Variants in FREM1 observed in about 807,000 individuals in gnomAD.
FREM1 encodes FRAS1-related extracellular matrix protein 1.
FREM1 carries 220 observed loss-of-function variants against 210.1 expected under a neutral mutation model. The observed-to-expected ratio is 1.05, with a 90% CI of 0.94 to 1.17. FREM1 has a LOEUF of 1.17. Ranked by LOEUF, FREM1 falls within the 50% of genes most tolerant of loss-of-function variation. The pLI is 0.00. For synonymous variants in FREM1, 1,189 were observed against 980.2 expected, an observed-to-expected ratio of 1.21 and a Z score of -3.98; for missense variants, 3,454 against 2,675.5, an observed-to-expected ratio of 1.29 and a Z score of -6.42.
intron 16 of FREM1, among the ~76,000 whole-genome samples, chr9:14,811,973 A>C (rs12000514): frequency 0.032 from 4,820 of 152,246 alleles, 225 homozygotes; most frequent in African/African-American, 0.11. Flanking sequence ...AGCAGATGAA[A>C]TATGCAGCAT....
At chr9:14,898,041 T>A (rs1838058777) in intron 1 of FREM1, among the ~76,000 whole-genome samples, 1 of 152,212 alleles carries the variant, frequency 6.6e-6, no homozygotes, top group Admixed American at 6.5e-5. Flanking sequence ...GATTCAGTAG[T>A]GCTAAAAAAG....
chr9:14,846,192 A>T, intron 7 of FREM1, 101 bp from the exon 8 acceptor site: 2 of 959,888 alleles, frequency 2.1e-6, no homozygotes, highest in South Asian at 3.1e-5. Flanking sequence ...AAAAATAATG[A>T]GTTCATGCCC....
chr9:14,775,498 G>C (rs888253636), intron 25 of FREM1, among the ~76,000 whole-genome samples: 2 of 151,986 alleles, frequency 1.3e-5, no homozygotes, highest in African/African-American at 2.4e-5. Context: ...TTGAAGTCAG[G>C]AGTTCGCCAC....
rs774044026 is a variant in FREM1, at chr9:14,859,360, G to A, written c.454C>T (p.Gln152Ter). 86 of 1,613,762 alleles carry A rather than the reference G, an allele frequency of 5.3e-5. No individual in the cohort carries two copies. Among genetic ancestry groups the A allele is most frequent in the Non-Finnish European group, 6.9e-5 (82 of 1,179,880 alleles). The change falls in exon 4 of 37, where the codon CAA becomes TAA. Residue 152 changes from glutamine (Q) to a stop codon, truncating the protein, a stop_gained. Coordinates refer to ENST00000380880, the MANE Select transcript of FREM1 (RefSeq NM_001379081.2). LOFTEE classifies it high-confidence loss of function. ...CTGAGCAGATTTTTATCAATCGCTT[G>A]GGACAAGCCATTGAATTCAGGCACC... is the stretch of plus-strand genomic sequence containing the variant. Reference protein sequence around the residue: ...LEVPEFNGLSQAIDKNLLRFD... With the variant: ...LEVPEFNGLS
At chr9:14,749,159 TTAG>T (rs1842930967) in intron 30 of FREM1, among the ~76,000 whole-genome samples, 1 of 152,160 alleles carries the variant, frequency 6.6e-6, no homozygotes, top group Non-Finnish European at 1.5e-5. Flanking sequence ...ACCTCACCAA[TTAG>T]TATTTCTGGG....
intron 27 of FREM1, among the ~76,000 whole-genome samples, chr9:14,768,950 A>G (rs1847008286): frequency 6.6e-6 from 1 of 152,152 alleles, no homozygotes; most frequent in African/African-American, 2.4e-5. Flanking sequence ...AAAAACAAAC[A>G]AACAAAATGA....
intron 10 of FREM1, among the ~76,000 whole-genome samples, chr9:14,827,568 T>C (rs1588210379): frequency 6.6e-6 from 1 of 152,130 alleles, no homozygotes; most frequent in Non-Finnish European, 1.5e-5. Context: ...CCTGACCATA[T>C]AAAGAATAAA....
At position 14,801,801 on chromosome 9, in the gene FREM1, G is replaced by A. The variant is rs1372091594; in HGVS notation, c.3545C>T (p.Ala1182Val). ...SAVDLDIPQDALLFSITQKPR... is the reference protein window; with the variant it reads ...SAVDLDIPQDVLLFSITQKPR... ...CTTTTGAGTGATGCTGAACAGCAGG[G>A]CATCCTGGGGAATGTCCAGGTCCAC... The change falls in exon 20 of 37, where the codon GCC becomes GTC. Residue 1182 changes from alanine (A) to valine (V), a missense_variant. Coordinates refer to ENST00000380880, the MANE Select transcript of FREM1 (RefSeq NM_001379081.2). The A allele has an allele frequency of 3.1e-6, 5 of 1,613,872 alleles. No homozygotes were observed. In the African/African-American group the frequency reaches 5.3e-5, roughly 17 times the overall value.
intron 16 of FREM1, among the ~76,000 whole-genome samples, chr9:14,808,993 C>T (rs1818891462): frequency 6.6e-6 from 1 of 152,144 alleles, no homozygotes; most frequent in African/African-American, 2.4e-5. Context: ...TTTGGTTGTT[C>T]CCCCGCTCAA....
intron 10 of FREM1, among the ~76,000 whole-genome samples, chr9:14,828,649 AG>A (rs930882943): frequency 1.1e-5 from 1 of 94,446 alleles, no homozygotes; most frequent in Non-Finnish European, 2.1e-5. Context: ...GGGGCGGGGG[AG>A]GTGCCGGGGT....
chr9:14,756,533 C>CCTG, intron 28 of FREM1, 87 bp from the exon 29 acceptor site: 1 of 900,390 alleles, frequency 1.1e-6, no homozygotes, highest in South Asian at 1.7e-5. Flanking sequence ...CTGGACTAAA[C>CCTG]TCATGCTCTT....
rs751389988 is a variant in FREM1 at position 14,846,019 on chromosome 9, A to G, written c.1334T>C (p.Ile445Thr). The G allele has an allele frequency of 1.2e-6, 2 of 1,612,362 alleles. No individual in the cohort carries two copies. The highest frequency in any genetic ancestry group is 1.1e-5 in the South Asian group (1 of 90,632). ...AACGGTGACTAGCCGGACAGCACCA[A>G]TGTCGTCATTGTCGACAACCTGAAA... ...EQFQVVDNDD[I>T]GAVRLVTVGG... Residue 445 changes from isoleucine (I) to threonine (T), a missense_variant, in exon 8 of 37, where the codon ATT becomes ACT. Ile to Thr is a moderately conservative substitution (Grantham distance 89, BLOSUM62 -1). Transcript: ENST00000380880.
intron 8 of FREM1, among the ~76,000 whole-genome samples, chr9:14,845,047 C>A (rs909418705): frequency 2.6e-5 from 4 of 152,156 alleles, no homozygotes; most frequent in African/African-American, 9.7e-5. Context: ...GAATTCCCTG[C>A]TCACAAATGA....
intron 10 of FREM1, among the ~76,000 whole-genome samples, chr9:14,840,293 A>G (rs1489773601): frequency 6.6e-6 from 1 of 152,212 alleles, no homozygotes; most frequent in Admixed American, 6.5e-5. Flanking sequence ...TAGGTACAAA[A>G]TGCCTAGCAA....
Position 14,775,682 on chromosome 9 carries a change from TG to T in FREM1, c.4857+106del. The T allele has an allele frequency of 4.3e-6, 3 of 701,828 alleles. No homozygotes were observed. The South Asian group carries it at 6.0e-5, about 14-fold the overall frequency. The allele number at this position is 701,828 out of a possible 1,614,324, so 43.5% of individuals were successfully genotyped here. A position where few individuals can be genotyped will look rare whatever the true frequency, so the allele number is the denominator to read the frequency against. ...AAGATCACGCCACTGCACTGCAGCC[TG>T]GGTGACAGAGAGAGACTCCCTCTCA... On this transcript the variant is annotated intron_variant, in intron 25 of 36. Transcript: ENST00000380880.
intron 33 of FREM1, 83 bp downstream of exon 33, chr9:14,747,181 G>A: frequency 1.9e-6 from 3 of 1,573,832 alleles, no homozygotes; most frequent in South Asian, 2.3e-5. Flanking sequence ...CAACCTTGGA[G>A]GCTATTTTGT....
chr9:14,770,319 T>G (rs1446618053), intron 26 of FREM1, among the ~76,000 whole-genome samples: 1 of 152,160 alleles, frequency 6.6e-6, no homozygotes, highest in Non-Finnish European at 1.5e-5. Context: ...AATAGGAAAT[T>G]TGGTCCTGAT....
In FREM1 at chr9:14,784,361, G is replaced by A; in HGVS notation, c.4442+9C>T. 6.2e-7 allele frequency: 1 copy of A among 1,608,448 alleles called. No homozygotes were observed. The highest frequency in any genetic ancestry group is 8.5e-7 in the Non-Finnish European group (1 of 1,175,976). Reference sequence around the variant, plus strand: ...AAGAAGGGGTTTGAAAAGTTTCCATGGGGCTCACCTGAATCTGTCACTGGA... The same window carrying A: ...AAGAAGGGGTTTGAAAAGTTTCCATAGGGCTCACCTGAATCTGTCACTGGA... On this transcript the variant is annotated intron_variant, in intron 24 of 36. Coordinates refer to ENST00000380880, the MANE Select transcript of FREM1 (RefSeq NM_001379081.2).
chr9:14,805,811 T>C (rs1272851261), intron 18 of FREM1, among the ~76,000 whole-genome samples: 2 of 152,232 alleles, frequency 1.3e-5, no homozygotes, highest in African/African-American at 4.8e-5. Flanking sequence ...GACTTTGTCT[T>C]TGCTTTCTGT....
Sources: gnomAD v4.1 joint callset for allele counts (sites outside exome capture counted in the v4.1 genomes callset) on GRCh38, gnomAD v4.1.1 for gene constraint, MANE v1.5 for transcripts, NCBI Gene and HGNC (gene_info 2026-07-23, HGNC 2026-07-21) for gene names.